The following PLA1A variants were observed in gnomAD, a reference collection of about 807,000 sequenced individuals.
The protein encoded by PLA1A is phospholipase A1 member A, also known as phosphatidylserine-specific phospholipase A1alpha.
PLA1A carries 47 observed loss-of-function variants against 49.4 expected under a neutral mutation model. That is an observed-to-expected ratio of 0.95 (90% confidence interval 0.75 to 1.21). The LOEUF (loss-of-function observed/expected upper bound fraction) is 1.21. PLA1A is among the 50% of genes most tolerant of loss of function. PLA1A has a pLI of 0.00. For missense variants in PLA1A, 561 were observed against 563.9 expected (o/e 0.99, Z 0.05); for synonymous variants, 224 against 207.9 (o/e 1.08, Z -0.67).
chr3:119,607,802 T>C (rs988068595), intron 2 of PLA1A, among the ~76,000 whole-genome samples: 3 of 152,142 alleles, frequency 2.0e-5, no homozygotes, highest in Admixed American at 6.6e-5. Context: ...GGGTAGCTAA[T>C]AGAGGTGGAG....
intron 8 of PLA1A, among the ~76,000 whole-genome samples, chr3:119,622,149 GGAAGAAGAAGAAGAAGAA>G (rs59447645): frequency 0.011 from 1,386 of 126,236 alleles, 12 homozygotes; most frequent in Admixed American, 0.019. Context: ...AGGAGGAGGA[GGAAGAAGAAGAAGAAGAA>G]GAAGAAGAAG....
intron 5 of PLA1A, among the ~76,000 whole-genome samples, chr3:119,614,218 A>AC (rs1261138147): frequency 6.6e-6 from 1 of 152,098 alleles, no homozygotes; most frequent in Non-Finnish European, 1.5e-5. Context: ...GTATTGTCCA[A>AC]CCCTTCTTCC....
chr3:119,598,050 C>T, intron 1 of PLA1A, 64 bp downstream of exon 1: 1 of 1,021,464 alleles, frequency 9.8e-7, no homozygotes, highest in Non-Finnish European at 1.5e-6. Flanking sequence ...TCTCCAACTA[C>T]TTATGCAGTA....
intron 1 of PLA1A, among the ~76,000 whole-genome samples, chr3:119,600,833 G>A (rs2082608845): frequency 6.6e-6 from 1 of 152,236 alleles, no homozygotes; most frequent in Admixed American, 6.5e-5. Flanking sequence ...AGGGCTCAAG[G>A]GGGTGGCAGG....
intron 2 of PLA1A, among the ~76,000 whole-genome samples, chr3:119,607,638 CT>C (rs1409300133): frequency 6.6e-6 from 1 of 152,216 alleles, no homozygotes; most frequent in Non-Finnish European, 1.5e-5. Context: ...ATTTCCTGAT[CT>C]CTGGCCTGTC....
At chr3:119,616,870 A>G (rs575932944) in intron 6 of PLA1A, among the ~76,000 whole-genome samples, 18 of 152,364 alleles carry the variant, frequency 1.2e-4, no homozygotes, top group Non-Finnish European at 2.2e-4. Context: ...TGGCATTTCA[A>G]TTGACCACTT....
intron 1 of PLA1A, among the ~76,000 whole-genome samples, chr3:119,602,143 T>A (rs2082625416): frequency 1.3e-5 from 2 of 152,188 alleles, no homozygotes; most frequent in Non-Finnish European, 2.9e-5. Context: ...TTCTCCCCTG[T>A]CCTTTGCACT....
chr3:119,620,281 G>T (rs945370996), intron 8 of PLA1A: 1 of 397,840 alleles, frequency 2.5e-6, no homozygotes, highest in African/African-American at 2.1e-5. Context: ...TTATCCTGGG[G>T]TCCTGTTTGC....
Position 119,608,777 on chromosome 3 carries a change from G to A in PLA1A, c.283G>A (p.Gly95Arg). 6.2e-7 allele frequency: 1 copy of A among 1,613,344 alleles called. No homozygotes were observed. The highest frequency in any genetic ancestry group is 8.5e-7 in the Non-Finnish European group (1 of 1,179,414). Reference protein sequence around the residue: ...KLIIHGFRVLGTKPSWIDTFI... With the variant: ...KLIIHGFRVLRTKPSWIDTFI... ...TTTTGGCCCCCTGTCTAGGGTTTTAGGAACAAAGCCTTCCTGGATTGACAC... is the reference window on the plus strand; with the variant it reads ...TTTTGGCCCCCTGTCTAGGGTTTTAAGAACAAAGCCTTCCTGGATTGACAC... Residue 95 changes from glycine to arginine, a missense_variant, in exon 3 of 11, where the codon GGA (glycine) becomes AGA (arginine). Physicochemically the swap from Gly to Arg is moderately radical, Grantham distance 125. Coordinates refer to ENST00000273371, the MANE Select transcript of PLA1A (RefSeq NM_015900.4).
Position 119,619,562 on chromosome 3 carries a change from G to C in PLA1A, c.923-1G>C, listed in dbSNP as rs1364212242. ...TGCTGTCTTTGCTTCTTTATTTCCA[G>C]GACTGGTGGAACAAGGTGGTGTCAA... On this transcript the variant is annotated splice_acceptor_variant, in intron 7 of 10. Coordinates refer to ENST00000273371, the MANE Select transcript of PLA1A (RefSeq NM_015900.4). LOFTEE classifies it high-confidence loss of function. 1 of 1,610,894 alleles carries C rather than the reference G, an allele frequency of 6.2e-7. No individual in the cohort carries two copies. The highest frequency in any genetic ancestry group is 1.7e-5 in the Admixed American group (1 of 60,020).
intron 8 of PLA1A, among the ~76,000 whole-genome samples, chr3:119,620,660 A>T (rs745688646): frequency 6.6e-6 from 1 of 152,254 alleles, no homozygotes; most frequent in Non-Finnish European, 1.5e-5. Flanking sequence ...CAGGGACTGG[A>T]ACCCAATCAG....
chr3:119,602,641 G>T (rs2082632489), intron 1 of PLA1A, among the ~76,000 whole-genome samples: 2 of 152,130 alleles, frequency 1.3e-5, no homozygotes, highest in South Asian at 4.1e-4. Context: ...TTAGGCAGTA[G>T]AGTGAACAAA....
At chr3:119,608,288 GAAAGAAAGAA>G (rs2082720798) in intron 2 of PLA1A, among the ~76,000 whole-genome samples, 3 of 144,834 alleles carry the variant, frequency 2.1e-5, no homozygotes, top group Non-Finnish European at 3.1e-5. Context: ...AAGAAAGAAA[GAAAGAAAGAA>G]AAAGAAAATG....
rs1373799762 is a variant in PLA1A at position 119,606,837 on chromosome 3, G to A, written c.137G>A (p.Gly46Asp). 6.2e-7 allele frequency: 1 copy of A among 1,613,972 alleles called. No individual in the cohort carries two copies. The highest frequency in any genetic ancestry group is 1.7e-5 in the Admixed American group (1 of 59,984). ...TTCCAGAGCGCCAACCTTTTTGAAG[G>A]CACCGATCTCAAAGTCCAGTTTCTC... ...ADFQSANLFE[G>D]TDLKVQFLLF... is the part of the protein sequence containing the mutation. Residue 46 changes from glycine to aspartate, a missense_variant, in exon 2 of 11, where the codon GGC becomes GAC. By Grantham distance (94) the Gly-to-Asp change is moderately conservative. Coordinates refer to ENST00000273371, the MANE Select transcript of PLA1A (RefSeq NM_015900.4).
chr3:119,603,498 C>T (rs1236805856), intron 1 of PLA1A, among the ~76,000 whole-genome samples: 2 of 152,170 alleles, frequency 1.3e-5, no homozygotes, highest in African/African-American at 4.8e-5. Context: ...TCAACTATTA[C>T]CTTTATATTT....
rs200252017 is a variant in PLA1A at position 119,606,775 on chromosome 3, G to C, written c.75G>C (p.Gly25=). ...TTGTTTTGTTTTGTTTTCCTCCAGGGGATGCACCTCCTACCCCACAGCCAA... is the reference window on the plus strand; with the variant it reads ...TTGTTTTGTTTTGTTTTCCTCCAGGCGATGCACCTCCTACCCCACAGCCAA... ...LILWLSVGSS[G]DAPPTPQPKC... Residue 25 remains glycine (G), a splice_region_variant and synonymous_variant, in exon 2 of 11, where the codon GGG becomes GGC. Coordinates refer to ENST00000273371, the MANE Select transcript of PLA1A (RefSeq NM_015900.4). The C allele has an allele frequency of 6.8e-6, 11 of 1,613,074 alleles. No homozygotes were observed. Among genetic ancestry groups the C allele is most frequent in the Non-Finnish European group, 8.5e-6 (10 of 1,179,412 alleles).
intron 5 of PLA1A, among the ~76,000 whole-genome samples, chr3:119,614,537 C>G (rs998466466): frequency 2.1e-5 from 3 of 140,438 alleles, no homozygotes; most frequent in African/African-American, 8.2e-5. Flanking sequence ...ACCCAGGAGG[C>G]AGAGCTTGCA....
Position 119,616,084 on chromosome 3 carries a change from C to T in PLA1A, c.737C>T (p.Pro246Leu), listed in dbSNP as rs2082845042. 1 of 1,611,530 alleles carries T rather than the reference C, an allele frequency of 6.2e-7. No individual in the cohort carries two copies. The highest frequency in any genetic ancestry group is 1.3e-5 in the African/African-American group (1 of 74,864). Residue 246 changes from proline (P) to leucine (L), a missense_variant, in exon 6 of 11, where the codon CCC becomes CTC. Pro to Leu is a moderately conservative substitution (Grantham distance 98). Transcript: ENST00000273371. ...GGAGGCCAAGACCAACCTGGCTGCC[C>T]CACCTTCTTTTACGCAGGTCAGAAA... ...VNGGQDQPGC[P>L]TFFYAGYSYL...
chr3:119,613,788 G>A (rs2082803235), intron 5 of PLA1A, among the ~76,000 whole-genome samples: 1 of 152,162 alleles, frequency 6.6e-6, no homozygotes, highest in Non-Finnish European at 1.5e-5. Context: ...AGCTACTCTG[G>A]AGGCTGAGGC....
Sources: gnomAD v4.1 joint callset for allele counts (sites outside exome capture counted in the v4.1 genomes callset) on GRCh38, gnomAD v4.1.1 for gene constraint, MANE v1.5 for transcripts, NCBI Gene and HGNC (gene_info 2026-07-23, HGNC 2026-07-21) for gene names.